The following COL26A1 variants were observed in gnomAD, a reference collection of about 807,000 sequenced individuals.
COL26A1 encodes the protein collagen type XXVI alpha 1 chain, also known as collagen alpha-1(XXVI) chain.
In COL26A1, 41 loss-of-function variants were observed where a neutral mutation model predicts 59.3. The observed-to-expected ratio is 0.69, with a 90% CI of 0.54 to 0.90. COL26A1 has a LOEUF of 0.90. Ranked by LOEUF, COL26A1 falls within the 40% of genes least tolerant of loss-of-function variation. COL26A1 has a pLI of 0.00. For missense variants in COL26A1, 612 were observed against 602.3 expected (o/e 1.02, Z -0.17); for synonymous variants, 266 against 256.0 (o/e 1.04, Z -0.37).
chr7:101,446,027 AC>A (rs1441469646), intron 2 of COL26A1, among the ~76,000 whole-genome samples: 1 of 129,580 alleles, frequency 7.7e-6, no homozygotes, highest in Admixed American at 8.8e-5. Flanking sequence ...CAGCCTGATG[AC>A]AGAGCAAGAC....
chr7:101,445,280 T>A (rs1793158906), intron 2 of COL26A1, among the ~76,000 whole-genome samples: 1 of 152,198 alleles, frequency 6.6e-6, no homozygotes, highest in Admixed American at 6.5e-5. Context: ...ACTGTTCTTG[T>A]GTTGCTATAA....
At chr7:101,381,639 C>T (rs1168391066) in intron 1 of COL26A1, among the ~76,000 whole-genome samples, 1 of 152,160 alleles carries the variant, frequency 6.6e-6, no homozygotes, top group Admixed American at 6.6e-5. Context: ...GCCTCAAGCC[C>T]TTTTACAATC....
chr7:101,498,361 C>G (rs9969330), intron 3 of COL26A1, among the ~76,000 whole-genome samples: 38,692 of 152,106 alleles, frequency 0.25, 7,589 homozygotes, highest in African/African-American at 0.55. Context: ...CCCTAGTGCT[C>G]AGTTCCTCGG....
intron 2 of COL26A1, among the ~76,000 whole-genome samples, chr7:101,445,093 G>A (rs55805104): frequency 0.41 from 61,197 of 151,098 alleles, 14,755 homozygotes; most frequent in Admixed American, 0.55. Context: ...CACCCACCTC[G>A]GCCTCCCAAA....
chr7:101,370,591 C>G (rs146564893), intron 1 of COL26A1, among the ~76,000 whole-genome samples: 2,346 of 152,204 alleles, frequency 0.015, 27 homozygotes, highest in Non-Finnish European at 0.024. Context: ...AGGCTGGTCT[C>G]GAACTCCTGA....
chr7:101,553,285 C>G, intron 10 of COL26A1, 41 bp from the exon 11 acceptor site: 1 of 1,594,346 alleles, frequency 6.3e-7, no homozygotes, highest in Non-Finnish European at 8.6e-7. Context: ...GAGGTGCCCC[C>G]ACCTCCCGTT....
At chr7:101,527,577 G>A (rs1017844936) in intron 3 of COL26A1, among the ~76,000 whole-genome samples, 1 of 150,640 alleles carries the variant, frequency 6.6e-6, no homozygotes, top group African/African-American at 2.4e-5. Context: ...CTCGTGATCC[G>A]CCCACCTCAG....
chr7:101,477,058 G>A (rs983182581), intron 3 of COL26A1, among the ~76,000 whole-genome samples: 4 of 151,830 alleles, frequency 2.6e-5, no homozygotes, highest in Non-Finnish European at 5.9e-5. Flanking sequence ...TGGCCAGGCT[G>A]GTCTTGAACT....
At chr7:101,539,516 G>GTGTATTTTTTGTA (rs1795561905) in intron 4 of COL26A1, among the ~76,000 whole-genome samples, 1 of 151,964 alleles carries the variant, frequency 6.6e-6, no homozygotes, top group Admixed American at 6.6e-5. Flanking sequence ...TTGTAGAGAT[G>GTGTATTTTTTGTA]GGGGTCTCAC....
At chr7:101,534,489 C>T (rs1199416736) in intron 4 of COL26A1, among the ~76,000 whole-genome samples, 1 of 152,116 alleles carries the variant, frequency 6.6e-6, no homozygotes, top group Non-Finnish European at 1.5e-5. Context: ...GACACACATA[C>T]ATATATACAC....
At chr7:101,539,028 TCTGAGTC>T (rs1287289350) in intron 4 of COL26A1, among the ~76,000 whole-genome samples, 1 of 152,184 alleles carries the variant, frequency 6.6e-6, no homozygotes, top group Non-Finnish European at 1.5e-5. Context: ...TCACGGGGCC[TCTGAGTC>T]CTGGCTCTCA....
At chr7:101,419,884 CG>C in intron 1 of COL26A1, 92 bp from the exon 2 acceptor site, 13 of 1,425,172 alleles carry the variant, frequency 9.1e-6, no homozygotes, top group Non-Finnish European at 1.2e-5. Context: ...CCCAGGTTTG[CG>C]GGGGCCCCTC....
intron 1 of COL26A1, among the ~76,000 whole-genome samples, chr7:101,371,273 G>A (rs1791185277): frequency 6.6e-6 from 1 of 152,204 alleles, no homozygotes; most frequent in African/African-American, 2.4e-5. Context: ...TCACATCCAT[G>A]GGGACTTGTC....
chr7:101,413,104 G>C (rs1792281852), intron 1 of COL26A1, among the ~76,000 whole-genome samples: 1 of 152,186 alleles, frequency 6.6e-6, no homozygotes, highest in South Asian at 2.1e-4. Context: ...GCTCAGCCAA[G>C]TCACAGAGCC....
chr7:101,501,034 A>G (rs540687583), intron 3 of COL26A1, among the ~76,000 whole-genome samples: 12 of 150,590 alleles, frequency 8.0e-5, no homozygotes, highest in Non-Finnish European at 1.3e-4. Flanking sequence ...ATACAAAAAA[A>G]GTTTAGCCGG....
At position 101,531,040 on chromosome 7, in the gene COL26A1, G is replaced by A. The variant is rs1409450095; in HGVS notation, c.386-2042G>A. Among the ~76,000 whole-genome samples the A allele has an allele frequency of 2.6e-5, 4 of 151,450 alleles. No individual in the cohort carries two copies. The East Asian group carries it at 5.8e-4, about 22-fold the overall frequency. On this transcript the variant is annotated intron_variant, in intron 3 of 12. Transcript: ENST00000313669. ...GGCTGGAGTGCAGTGGTGCGATCTC[G>A]GCTCACTGCAAGCTCTGCCTCCTGG...
At chr7:101,542,982 A>C (rs80131968) in intron 5 of COL26A1, among the ~76,000 whole-genome samples, 5,479 of 152,116 alleles carry the variant, frequency 0.036, 174 homozygotes, top group Middle Eastern at 0.082. Context: ...CAGTTTCAAG[A>C]ATGGCCACCA....
intron 3 of COL26A1, among the ~76,000 whole-genome samples, chr7:101,507,351 G>A (rs1380653155): frequency 1.3e-5 from 2 of 152,250 alleles, no homozygotes; most frequent in South Asian, 2.1e-4. Context: ...CCAACATCCC[G>A]TGGATTCTTC....
At chr7:101,417,826 A>T (rs1792415740) in intron 1 of COL26A1, among the ~76,000 whole-genome samples, 1 of 151,700 alleles carries the variant, frequency 6.6e-6, no homozygotes, top group Non-Finnish European at 1.5e-5. Context: ...GGTTCAAGTG[A>T]TTCTCCCGTC....
Sources: allele counts gnomAD v4.1 joint callset (sites outside exome capture counted in the v4.1 genomes callset), GRCh38; gene constraint gnomAD v4.1.1; transcripts MANE v1.5; gene names NCBI Gene and HGNC (gene_info 2026-07-23, HGNC 2026-07-21).